Variants in SLC25A18 observed in about 807,000 individuals in gnomAD.
The protein encoded by SLC25A18 is solute carrier family 25 member 18, also known as mitochondrial glutamate carrier 2.
SLC25A18 carries 24 observed loss-of-function variants against 31.1 expected under a neutral mutation model. That is an observed-to-expected ratio of 0.77 (90% CI 0.56 to 1.08). The LOEUF (loss-of-function observed/expected upper bound fraction) is 1.08. SLC25A18 is among the 50% of genes least tolerant of loss of function. The probability of loss-of-function intolerance (pLI) is 0.00; values close to 1 mark genes in which losing one functional copy is unlikely to be tolerated. For missense variants in SLC25A18, 371 were observed against 418.5 expected (o/e 0.89, Z 0.99); for synonymous variants, 173 against 161.9 (o/e 1.07, Z -0.52).
intron 5 of SLC25A18, chr22:17,581,968 T>G (rs2146253373): frequency 6.5e-6 from 1 of 154,624 alleles, no homozygotes; most frequent in South Asian, 2.0e-4. Context: ...GCCTGGCGCC[T>G]GTCACTGGAA....
intron 3 of SLC25A18, chr22:17,580,788 C>T (rs2057350831): frequency 1.2e-5 from 15 of 1,263,388 alleles, no homozygotes; most frequent in Non-Finnish European, 1.4e-5. Context: ...CAGAGCTGGG[C>T]TCCTCCCAGA....
At chr22:17,582,459 A>G in intron 5 of SLC25A18, 104 bp from the exon 6 acceptor site, 1 of 853,768 alleles carries the variant, frequency 1.2e-6, no homozygotes, top group Non-Finnish European at 1.7e-6. Context: ...GGCCCCAAAA[A>G]TGCCCTTCAC....
At chr22:17,581,451 G>C in intron 5 of SLC25A18, 38 bp downstream of exon 5, 3 of 1,611,638 alleles carry the variant, frequency 1.9e-6, no homozygotes, top group Non-Finnish European at 2.5e-6. Context: ...TGGGCAGCAG[G>C]TGTGAGCGTA....
intron 2 of SLC25A18, among the ~76,000 whole-genome samples, chr22:17,578,599 G>A (rs143118497): frequency 2.6e-5 from 4 of 152,288 alleles, no homozygotes; most frequent in African/African-American, 7.2e-5. Flanking sequence ...GAGAGCGTCC[G>A]GAGAGCTGCT....
chr22:17,566,544 C>T (rs1301616161), intron 1 of SLC25A18, among the ~76,000 whole-genome samples: 1 of 152,108 alleles, frequency 6.6e-6, no homozygotes, highest in Non-Finnish European at 1.5e-5. Context: ...TTCCAAATAG[C>T]TGGGATTACA....
chr22:17,580,678 G>A (rs542380326), intron 3 of SLC25A18: 14 of 1,041,148 alleles, frequency 1.3e-5, no homozygotes, highest in African/African-American at 1.7e-5. Context: ...CAGTCCGTTT[G>A]TGTGAGAACT....
chr22:17,589,477 A>ATGAG, intron 9 of SLC25A18, 113 bp from the exon 10 acceptor site: 1 of 896,082 alleles, frequency 1.1e-6, no homozygotes. Flanking sequence ...CGCCCGGCCT[A>ATGAG]TGAGTCAGTT....
chr22:17,567,067 T>G (rs2056956220), intron 1 of SLC25A18, among the ~76,000 whole-genome samples: 2 of 151,934 alleles, frequency 1.3e-5, no homozygotes, highest in African/African-American at 4.8e-5. Context: ...GAGGCTGAGG[T>G]GAGAGGATGG....
rs1272397840 is a variant in SLC25A18 at position 17,590,284 on chromosome 22, G to A, written c.*48G>A. 3.1e-6 allele frequency: 5 copies of A among 1,611,922 alleles called. No homozygotes were observed. The highest frequency in any genetic ancestry group is 4.2e-6 in the Non-Finnish European group (5 of 1,178,768). The stretch of plus-strand genomic sequence containing the variant: ...TGCGCTTGCCGCCCTCTCTCTAGCT[G>A]TTTCACTTAGCCTAGAGGGGGCAAG... On this transcript the variant is annotated 3_prime_UTR_variant, in exon 11 of 11. Transcript: ENST00000327451.
At chr22:17,586,209 C>A (rs895328784) in intron 7 of SLC25A18, among the ~76,000 whole-genome samples, 1 of 152,058 alleles carries the variant, frequency 6.6e-6, no homozygotes. Context: ...GCCACAAATT[C>A]TTTTTGTGTC....
intron 2 of SLC25A18, among the ~76,000 whole-genome samples, chr22:17,571,878 C>A (rs1016345400): frequency 6.6e-6 from 1 of 151,920 alleles, no homozygotes; most frequent in Non-Finnish European, 1.5e-5. Context: ...ATTAGCCGGG[C>A]ATGGTGGCTC....
In SLC25A18 at chr22:17,590,147, C is replaced by A. The variant is rs749514090; in HGVS notation, c.859C>A (p.Arg287=). 3 of 1,614,218 alleles carry A rather than the reference C, an allele frequency of 1.9e-6. No homozygotes were observed. In the East Asian group the frequency reaches 6.7e-5, roughly 36 times the overall value. Residue 287 remains arginine (R), a synonymous_variant, in exon 11 of 11, where the codon CGG becomes AGG. Transcript: ENST00000327451. ...PSAFMKGAGC[R]ALVIAPLFGI... is the part of the protein sequence containing the mutation. ...TGCCTTCATGAAAGGCGCTGGCTGC[C>A]GGGCACTGGTCATAGCACCTCTCTT...
intron 10 of SLC25A18, 25 bp downstream of exon 10, chr22:17,589,690 G>T: frequency 6.2e-7 from 1 of 1,610,368 alleles, no homozygotes; most frequent in Non-Finnish European, 8.5e-7. Context: ...CCCCTCAAAT[G>T]GTGGCTGGGA....
intron 2 of SLC25A18, among the ~76,000 whole-genome samples, chr22:17,576,559 C>T (rs893391866): frequency 1.3e-5 from 2 of 152,156 alleles, no homozygotes; most frequent in Non-Finnish European, 2.9e-5. Context: ...GGGCAGTTAT[C>T]GGCCCTGGTG....
At chr22:17,576,551 G>A (rs1430700423) in intron 2 of SLC25A18, among the ~76,000 whole-genome samples, 1 of 152,154 alleles carries the variant, frequency 6.6e-6, no homozygotes, top group Non-Finnish European at 1.5e-5. Flanking sequence ...GCCTTGGGGG[G>A]CAGTTATCGG....
intron 2 of SLC25A18, among the ~76,000 whole-genome samples, chr22:17,579,066 TG>T (rs2057304191): frequency 2.9e-3 from 11 of 3,782 alleles, no homozygotes; most frequent in African/African-American, 0.012. Flanking sequence ...GTGGGTTTTT[TG>T]TTTGTTTGTT....
intron 7 of SLC25A18, among the ~76,000 whole-genome samples, chr22:17,586,507 G>A (rs1158195630): frequency 6.6e-6 from 1 of 150,666 alleles, no homozygotes; most frequent in African/African-American, 2.4e-5. Context: ...AGCCAGGTAT[G>A]GTGGCACATG....
chr22:17,585,634 T>A (rs979969681), intron 7 of SLC25A18, among the ~76,000 whole-genome samples: 78 of 136,148 alleles, frequency 5.7e-4, no homozygotes, highest in African/African-American at 2.2e-3. Context: ...TTATTTATTT[T>A]ATTATTATTA....
intron 8 of SLC25A18, 64 bp downstream of exon 8, chr22:17,587,365 G>A: frequency 6.5e-7 from 1 of 1,530,270 alleles, no homozygotes; most frequent in East Asian, 2.3e-5. Context: ...CCAGAGAGCT[G>A]GTTGTCCCTA....
Sources: gnomAD v4.1 joint callset for allele counts (sites outside exome capture counted in the v4.1 genomes callset) on GRCh38, gnomAD v4.1.1 for gene constraint, MANE v1.5 for transcripts, NCBI Gene and HGNC (gene_info 2026-07-23, HGNC 2026-07-21) for gene names.